Variants in EPHB2 observed in about 807,000 individuals in gnomAD.
EPHB2 encodes EPH receptor B2.
Under a neutral mutation model 96.4 loss-of-function variants are expected in EPHB2, and 18 were observed. The ratio of observed to expected loss-of-function variants is 0.19; its 90% CI spans 0.13 to 0.28. EPHB2 has a LOEUF of 0.28. EPHB2 is among the 10% of genes least tolerant of loss of function. The pLI, the probability that EPHB2 is intolerant of heterozygous loss-of-function variation, is 1.00. For missense variants in EPHB2, 989 were observed against 1,355.4 expected, an observed-to-expected ratio of 0.73 and a Z score of 4.25; for synonymous variants, 506 against 534.1, an observed-to-expected ratio of 0.95 and a Z score of 0.72.
intron 1 of EPHB2, chr1:22,719,547 A>G (rs1643383053): frequency 6.5e-6 from 1 of 153,484 alleles, no homozygotes; most frequent in African/African-American, 2.4e-5. Context: ...CTGACTTGCA[A>G]CATACATTTG....
intron 3 of EPHB2, among the ~76,000 whole-genome samples, chr1:22,813,535 G>A (rs1207364989): frequency 6.6e-6 from 1 of 152,264 alleles, no homozygotes; most frequent in African/African-American, 2.4e-5. Context: ...AGCAGCTGAG[G>A]TGGGTGCTGG....
chr1:22,731,138 T>G (rs1212470875), intron 1 of EPHB2, among the ~76,000 whole-genome samples: 2 of 152,112 alleles, frequency 1.3e-5, no homozygotes, highest in Non-Finnish European at 2.9e-5. Flanking sequence ...GAAACATATG[T>G]CTCTTTCTTT....
chr1:22,719,310 C>T (rs923349317), intron 1 of EPHB2, among the ~76,000 whole-genome samples: 3 of 152,134 alleles, frequency 2.0e-5, no homozygotes, highest in African/African-American at 2.4e-5. Flanking sequence ...AAGCCAGCAG[C>T]GGGACCAAGC....
intron 1 of EPHB2, among the ~76,000 whole-genome samples, chr1:22,718,892 T>A (rs1202433196): frequency 1.3e-5 from 2 of 152,098 alleles, no homozygotes; most frequent in Non-Finnish European, 2.9e-5. Flanking sequence ...ACTCCAGAGC[T>A]CATGCTCTTC....
At chr1:22,900,736 T>C (rs534882187) in intron 9 of EPHB2, among the ~76,000 whole-genome samples, 7 of 152,136 alleles carry the variant, frequency 4.6e-5, no homozygotes, top group African/African-American at 1.4e-4. Context: ...AGGCCTAAGA[T>C]CCCCCTCCCT....
At chr1:22,872,551 T>C (rs12131925) in intron 5 of EPHB2, among the ~76,000 whole-genome samples, 137,337 of 152,124 alleles carry the variant, frequency 0.9, 63,585 homozygotes, top group East Asian at 1. Context: ...AACTCAGCAG[T>C]GTTGGTAGAG....
Position 22,740,215 on chromosome 1 carries a change from GA to G in EPHB2, c.61+29175del, listed in dbSNP as rs559289347. On this transcript the variant is annotated intron_variant, in intron 1 of 15. Transcript: ENST00000374630. ...GATGTCCCCATCACGTGGCATCACT[GA>G]AACCCTCTTCAACTGCGGTCACTGG... Among the ~76,000 whole-genome samples, 465 of 152,330 alleles carry G rather than the reference GA, an allele frequency of 3.1e-3. 1 individual carries two copies. Among genetic ancestry groups the G allele is most frequent in the Non-Finnish European group, 5.1e-3 (349 of 68,034 alleles).
chr1:22,901,720 G>C (rs1301607818), intron 9 of EPHB2, among the ~76,000 whole-genome samples: 1 of 152,198 alleles, frequency 6.6e-6, no homozygotes, highest in South Asian at 2.1e-4. Context: ...GGCAGCCTGA[G>C]GGTTACAAGT....
intron 3 of EPHB2, among the ~76,000 whole-genome samples, chr1:22,831,412 A>G (rs906070676): frequency 2.0e-5 from 3 of 152,096 alleles, no homozygotes; most frequent in Admixed American, 2.0e-4. Flanking sequence ...GGCATTGTGT[A>G]ATAGCATTGA....
chr1:22,740,633 G>T (rs957593961), intron 1 of EPHB2, among the ~76,000 whole-genome samples: 3 of 152,190 alleles, frequency 2.0e-5, no homozygotes, highest in African/African-American at 4.8e-5. Flanking sequence ...AGGGCCTCGT[G>T]TCCCACCACC....
At chr1:22,769,059 G>A (rs947065212) in intron 1 of EPHB2, among the ~76,000 whole-genome samples, 24 of 152,300 alleles carry the variant, frequency 1.6e-4, no homozygotes, top group African/African-American at 5.8e-4. Flanking sequence ...CCGTGGTAGG[G>A]GTGAGGCTGA....
chr1:22,895,975 G>T (rs367955393), intron 8 of EPHB2, among the ~76,000 whole-genome samples: 3 of 152,218 alleles, frequency 2.0e-5, no homozygotes, highest in African/African-American at 4.8e-5. Flanking sequence ...GGAGGAGGAG[G>T]GGGGAGGGAC....
At chr1:22,833,388 G>T (rs571098162) in intron 3 of EPHB2, among the ~76,000 whole-genome samples, 2 of 152,312 alleles carry the variant, frequency 1.3e-5, no homozygotes, top group South Asian at 4.1e-4. Context: ...AAAGTGCTGG[G>T]ATTACAGGCG....
At chr1:22,726,346 C>T (rs1343563230) in intron 1 of EPHB2, among the ~76,000 whole-genome samples, 4 of 152,174 alleles carry the variant, frequency 2.6e-5, no homozygotes, top group Admixed American at 1.3e-4. Flanking sequence ...AAGTGCCAGG[C>T]ACCATCCTAG....
intron 1 of EPHB2, among the ~76,000 whole-genome samples, chr1:22,721,766 C>G (rs956579451): frequency 6.6e-6 from 1 of 151,808 alleles, no homozygotes; most frequent in Non-Finnish European, 1.5e-5. Flanking sequence ...TAGGCACCTG[C>G]CACCGCATCC....
intron 5 of EPHB2, among the ~76,000 whole-genome samples, chr1:22,880,368 G>A (rs1638997086): frequency 6.6e-6 from 1 of 152,222 alleles, no homozygotes; most frequent in South Asian, 2.1e-4. Flanking sequence ...CTTGGGGCTA[G>A]GAGAAGTGTC....
At chr1:22,761,762 G>A (rs959206003) in intron 1 of EPHB2, among the ~76,000 whole-genome samples, 12 of 152,248 alleles carry the variant, frequency 7.9e-5, no homozygotes, top group Middle Eastern at 6.8e-3. Flanking sequence ...CCTCCTCCCC[G>A]GCTCATCCAG....
chr1:22,813,737 G>A (rs779390565), intron 3 of EPHB2, among the ~76,000 whole-genome samples: 1 of 152,228 alleles, frequency 6.6e-6, no homozygotes, highest in African/African-American at 2.4e-5. Flanking sequence ...CAAAATGGGG[G>A]CTACAATGAG....
Position 22,756,680 on chromosome 1 carries a change from C to G in EPHB2, c.62-24741C>G, listed in dbSNP as rs539874552. 5.6e-4 allele frequency among the ~76,000 whole-genome samples: 86 copies of G among 152,220 alleles called. 1 individual carries two copies. The highest frequency in any genetic ancestry group is 2.0e-3 in the African/African-American group (82 of 41,544). On this transcript the variant is annotated intron_variant, in intron 1 of 15. Transcript: ENST00000374630. ...GACCTGCGCTGACCCCATTTCCACC[C>G]CGAACTAACCCCACCCCATCTCACT...
Sources: allele counts gnomAD v4.1 joint callset (sites outside exome capture counted in the v4.1 genomes callset), GRCh38; gene constraint gnomAD v4.1.1; transcripts MANE v1.5; gene names NCBI Gene and HGNC (gene_info 2026-07-23, HGNC 2026-07-21).